The following CYTIP variants were observed in gnomAD, a reference collection of about 807,000 sequenced individuals.
CYTIP encodes the protein cytohesin 1 interacting protein, also known as cytohesin-interacting protein.
A neutral mutation model predicts 43.8 loss-of-function variants in CYTIP; 26 were observed. That is an observed-to-expected ratio of 0.59 (90% CI 0.44 to 0.82). The LOEUF is 0.82. CYTIP is among the 40% of genes least tolerant of loss of function. CYTIP has a pLI of 0.00. For missense variants in CYTIP, 426 were observed against 443.1 expected (o/e 0.96, Z 0.35); for synonymous variants, 162 against 162.9 (o/e 0.99, Z 0.04).
chr2:157,434,319 A>C, intron 3 of CYTIP, 51 bp downstream of exon 3: 13 of 1,371,918 alleles, frequency 9.5e-6, no homozygotes, highest in South Asian at 2.3e-5. Flanking sequence ...ACATGACACT[A>C]CCGGTGCCAC....
At chr2:157,428,977 C>T (rs1372622122) in intron 5 of CYTIP, among the ~76,000 whole-genome samples, 3 of 152,216 alleles carry the variant, frequency 2.0e-5, no homozygotes, top group Non-Finnish European at 4.4e-5. Context: ...AAACCCCAGC[C>T]CTATCACTTA....
intron 3 of CYTIP, 164 bp downstream of exon 3, chr2:157,434,206 G>A (rs1484476443): frequency 1.2e-5 from 8 of 672,414 alleles, no homozygotes; most frequent in Middle Eastern, 2.6e-4. Context: ...TTCCTTAATA[G>A]TACTCAACAC....
At position 157,415,643 on chromosome 2, in the gene CYTIP, G is replaced by T; in HGVS notation, c.*34C>A. On this transcript the variant is annotated 3_prime_UTR_variant, in exon 8 of 8. Coordinates refer to ENST00000264192, the MANE Select transcript of CYTIP (RefSeq NM_004288.5). ...TCTGGGTGAGTCTAGAGATATTTGTGAAATAAGCTAATTTGAAAGGACACC... is the reference window on the plus strand; with the variant it reads ...TCTGGGTGAGTCTAGAGATATTTGTTAAATAAGCTAATTTGAAAGGACACC... The T allele has an allele frequency of 6.9e-7, 1 of 1,458,472 alleles. No homozygotes were observed. The highest frequency in any genetic ancestry group is 1.3e-5 in the South Asian group (1 of 79,472). 90.3% of individuals were successfully genotyped at this position (1,458,472 alleles called of 1,614,324 possible).
chr2:157,421,978 G>T (rs1685528227), intron 6 of CYTIP, among the ~76,000 whole-genome samples: 1 of 152,210 alleles, frequency 6.6e-6, no homozygotes, highest in South Asian at 2.1e-4. Flanking sequence ...TGAAACACAG[G>T]TCTGAGACAG....
At chr2:157,416,179 C>A in intron 7 of CYTIP, 36 bp from the exon 8 acceptor site, 1 of 1,492,506 alleles carries the variant, frequency 6.7e-7, no homozygotes, top group South Asian at 1.3e-5. Flanking sequence ...TGGATCTGTT[C>A]ATTACTCCCT....
chr2:157,438,524 G>T (rs1685852036), intron 1 of CYTIP, among the ~76,000 whole-genome samples: 1 of 152,116 alleles, frequency 6.6e-6, no homozygotes, highest in Non-Finnish European at 1.5e-5. Context: ...GTTAGAAGGA[G>T]GATATTCAAC....
At chr2:157,443,646 G>GA (rs1287051194) in intron 1 of CYTIP, among the ~76,000 whole-genome samples, 2 of 151,814 alleles carry the variant, frequency 1.3e-5, no homozygotes, top group Non-Finnish European at 1.5e-5. Context: ...TTTTTGCCTT[G>GA]AAAAAAAAGT....
chr2:157,434,626 A>G, intron 2 of CYTIP, 72 bp downstream of exon 2: 1 of 1,149,202 alleles, frequency 8.7e-7, no homozygotes. Context: ...AGGAAGAGAG[A>G]GGAAAAAACA....
At position 157,427,340 on chromosome 2, in the gene CYTIP, A is replaced by G. The variant is rs761610282; in HGVS notation, c.546+11T>C. The G allele has an allele frequency of 6.2e-7, 1 of 1,600,708 alleles. No individual in the cohort carries two copies. Among genetic ancestry groups the G allele is most frequent in the South Asian group, 1.1e-5 (1 of 88,732 alleles). ...ATGAAAAATGTGCCTCACTGCATTA[A>G]ATTAAATTACCTTTAAAACCTGCAG... On this transcript the variant is annotated intron_variant, in intron 6 of 7. Coordinates refer to ENST00000264192, the MANE Select transcript of CYTIP (RefSeq NM_004288.5).
rs925656928 is a variant in CYTIP, at chr2:157,444,032, A to G, written c.-12T>C. 83 of 1,613,104 alleles carry G rather than the reference A, an allele frequency of 5.1e-5. No individual in the cohort carries two copies. The highest frequency in any genetic ancestry group is 7.0e-5 in the Non-Finnish European group (82 of 1,179,622). Reference sequence around the variant, plus strand: ...CTTTGTAAAGACATTGTGAATAAAGATCACTCCAGCTAGCACATGGTTGAG... The same window carrying G: ...CTTTGTAAAGACATTGTGAATAAAGGTCACTCCAGCTAGCACATGGTTGAG... On this transcript the variant is annotated 5_prime_UTR_variant, in exon 1 of 8. Transcript: ENST00000264192.
intron 1 of CYTIP, among the ~76,000 whole-genome samples, chr2:157,435,510 G>T (rs1685796286): frequency 6.6e-6 from 1 of 152,150 alleles, no homozygotes; most frequent in Non-Finnish European, 1.5e-5. Context: ...TTTTGGAAAA[G>T]ATCATATAAA....
intron 6 of CYTIP, among the ~76,000 whole-genome samples, chr2:157,422,097 G>A (rs1487367871): frequency 6.6e-6 from 1 of 152,178 alleles, no homozygotes; most frequent in African/African-American, 2.4e-5. Flanking sequence ...TATGTTGAAA[G>A]GCAGGAATAC....
chr2:157,422,556 G>A (rs1685538694), intron 6 of CYTIP, among the ~76,000 whole-genome samples: 1 of 151,718 alleles, frequency 6.6e-6, no homozygotes, highest in Non-Finnish European at 1.5e-5. Context: ...TGTAATCCCA[G>A]CTACTCAGGA....
intron 7 of CYTIP, among the ~76,000 whole-genome samples, chr2:157,417,835 G>T (rs534819468): frequency 5.3e-5 from 8 of 152,196 alleles, no homozygotes; most frequent in East Asian, 1.9e-4. Flanking sequence ...ACTTAAGCTT[G>T]GTGCTATTTA....
intron 1 of CYTIP, among the ~76,000 whole-genome samples, chr2:157,442,587 T>C (rs1451698008): frequency 6.6e-6 from 1 of 152,154 alleles, no homozygotes; most frequent in Non-Finnish European, 1.5e-5. Flanking sequence ...AAAAAAGATG[T>C]CAGCATTTCT....
intron 1 of CYTIP, among the ~76,000 whole-genome samples, chr2:157,440,313 C>T (rs1035288050): frequency 3.9e-5 from 6 of 152,156 alleles, no homozygotes; most frequent in Non-Finnish European, 5.9e-5. Flanking sequence ...AATTTCCTGA[C>T]GTTAAGTGCC....
chr2:157,434,215 A>G (rs986390147), intron 3 of CYTIP, 155 bp downstream of exon 3: 4 of 691,306 alleles, frequency 5.8e-6, no homozygotes, highest in Non-Finnish European at 1.0e-5. Context: ...AGTACTCAAC[A>G]CACTGAAAAA....
At chr2:157,425,981 T>A (rs1249775440) in intron 6 of CYTIP, among the ~76,000 whole-genome samples, 2 of 151,888 alleles carry the variant, frequency 1.3e-5, no homozygotes, top group Admixed American at 6.6e-5. Flanking sequence ...GGGCAAAAAA[T>A]TTTATTATCT....
At chr2:157,424,339 C>T (rs573798530) in intron 6 of CYTIP, among the ~76,000 whole-genome samples, 18 of 151,636 alleles carry the variant, frequency 1.2e-4, no homozygotes, top group South Asian at 4.2e-4. Context: ...TGTAAAGAAA[C>T]GATAATAAGA....
Sources: allele counts gnomAD v4.1 joint callset (sites outside exome capture counted in the v4.1 genomes callset), GRCh38; gene constraint gnomAD v4.1.1; transcripts MANE v1.5; gene names NCBI Gene and HGNC (gene_info 2026-07-23, HGNC 2026-07-21).